The following FABP12 variants were observed in gnomAD, a reference collection of about 807,000 sequenced individuals.
FABP12 encodes fatty acid-binding protein 12.
A neutral mutation model predicts 13.7 loss-of-function variants in FABP12; 19 were observed. The observed-to-expected ratio is 1.39, with a 90% CI of 0.97 to 2.04. The LOEUF is 2.04. Ranked by LOEUF, FABP12 falls within the 30% of genes most tolerant of loss-of-function variation. The probability of loss-of-function intolerance (pLI) is 0.00; values close to 1 mark genes in which losing one functional copy is unlikely to be tolerated. For missense variants in FABP12, 182 were observed against 164.2 expected (o/e 1.11, Z -0.59); for synonymous variants, 61 against 57.0 (o/e 1.07, Z -0.32).
intron 1 of FABP12, among the ~76,000 whole-genome samples, chr8:81,588,477 C>T (rs1029275794): frequency 6.6e-6 from 1 of 152,082 alleles, no homozygotes; most frequent in Non-Finnish European, 1.5e-5. Flanking sequence ...TGTATAAATG[C>T]TACTGATTTT....
intron 1 of FABP12, among the ~76,000 whole-genome samples, chr8:81,567,430 CA>C (rs1809844979): frequency 6.6e-6 from 1 of 152,144 alleles, no homozygotes; most frequent in Non-Finnish European, 1.5e-5. Flanking sequence ...CTATGGTAAC[CA>C]AAACAGATGG....
At chr8:81,579,858 G>A (rs1253884587) in intron 1 of FABP12, among the ~76,000 whole-genome samples, 1 of 152,042 alleles carries the variant, frequency 6.6e-6, no homozygotes, top group African/African-American at 2.4e-5. Context: ...GTACAGATAT[G>A]TCTATTTTAT....
intron 3 of FABP12, chr8:81,529,235 G>A (rs7812675): frequency 0.037 from 22,370 of 600,570 alleles, 2,021 homozygotes; most frequent in African/African-American, 0.26. Context: ...CAATTTTCAG[G>A]GCCTCTGGCA....
At chr8:81,589,715 C>CGT (rs1216501641) in intron 1 of FABP12, among the ~76,000 whole-genome samples, 1 of 152,174 alleles carries the variant, frequency 6.6e-6, no homozygotes, top group East Asian at 1.9e-4. Context: ...GGGAGCAAAG[C>CGT]ATCTCTCTCT....
At chr8:81,561,361 T>G (rs1809721449) in intron 1 of FABP12, among the ~76,000 whole-genome samples, 1 of 152,194 alleles carries the variant, frequency 6.6e-6, no homozygotes, top group Admixed American at 6.5e-5. Context: ...AACTGATTTT[T>G]TTCTCTTCTA....
chr8:81,584,704 GT>G (rs146982882), intron 1 of FABP12, among the ~76,000 whole-genome samples: 11,894 of 152,160 alleles, frequency 0.078, 788 homozygotes, highest in African/African-American at 0.18. Flanking sequence ...TATTTTTAGT[GT>G]TTCTGAGGAA....
upstream of FABP12, among the ~76,000 whole-genome samples, chr8:81,538,398 C>A (rs1304659400): frequency 1.3e-5 from 2 of 152,214 alleles, no homozygotes; most frequent in African/African-American, 4.8e-5. Context: ...GTAAATGTGA[C>A]CTTCTTTAGA....
Position 81,543,146 on chromosome 8 carries a change from T to C in FABP12, c.-184-3403A>G, listed in dbSNP as rs149405416. Among the ~76,000 whole-genome samples, 158 of 152,362 alleles carry C rather than the reference T, an allele frequency of 1.0e-3. 1 individual carries two copies. Among genetic ancestry groups the C allele is most frequent in the African/African-American group, 3.7e-3 (152 of 41,596 alleles). Reference sequence around the variant, plus strand: ...AAATATCCAGTAGTAAAAGACATTGTCATTGAAGGCAGAGCACTTCCATCT... The same window carrying C: ...AAATATCCAGTAGTAAAAGACATTGCCATTGAAGGCAGAGCACTTCCATCT... On this transcript the variant is annotated intron_variant, in intron 1 of 5. Transcript: ENST00000692030.
intron 4 of FABP12, 108 bp downstream of exon 4, chr8:81,526,912 C>T (rs1264130883): frequency 9.3e-6 from 6 of 641,810 alleles, no homozygotes; most frequent in Admixed American, 3.2e-5. Flanking sequence ...ATTCTTTAAA[C>T]TATGAGAACA....
At chr8:81,575,786 A>G (rs992118530) in intron 1 of FABP12, among the ~76,000 whole-genome samples, 1 of 152,138 alleles carries the variant, frequency 6.6e-6, no homozygotes, top group African/African-American at 2.4e-5. Flanking sequence ...CTCCTGTCAG[A>G]TCAGTGGCAG....
intron 1 of FABP12, among the ~76,000 whole-genome samples, chr8:81,545,580 A>G (rs191189458): frequency 1.4e-4 from 22 of 152,326 alleles, no homozygotes; most frequent in Admixed American, 4.6e-4. Flanking sequence ...TTTTATTTCA[A>G]TAAGGGCTTG....
rs747922691 is a variant in FABP12, at chr8:81,581,287, C to T, written c.-185+8766G>A. 6.4e-4 allele frequency among the ~76,000 whole-genome samples: 97 copies of T among 152,176 alleles called. 2 individuals are homozygous for T. Among genetic ancestry groups the T allele is most frequent in the Non-Finnish European group, 1.0e-4 (7 of 68,018 alleles). On this transcript the variant is annotated intron_variant, in intron 1 of 5. Transcript: ENST00000692030. Reference sequence around the variant, plus strand: ...GAAAAGGGAGGACTTTGATTGTGATCATAAGTGTCTCTTTCCTAATATTTT... The same window carrying T: ...GAAAAGGGAGGACTTTGATTGTGATTATAAGTGTCTCTTTCCTAATATTTT...
At chr8:81,543,957 G>C (rs549204374) in intron 1 of FABP12, among the ~76,000 whole-genome samples, 42 of 152,240 alleles carry the variant, frequency 2.8e-4, no homozygotes, top group Non-Finnish European at 4.7e-4. Flanking sequence ...CTACAGGTTA[G>C]TACATTTACA....
At chr8:81,551,713 A>C (rs1809526648) in intron 1 of FABP12, among the ~76,000 whole-genome samples, 3 of 152,092 alleles carry the variant, frequency 2.0e-5, no homozygotes, top group Admixed American at 2.0e-4. Flanking sequence ...TGCTGAGAAA[A>C]ATTTCTATCC....
upstream of FABP12, among the ~76,000 whole-genome samples, chr8:81,535,954 A>G (rs1243611095): frequency 2.0e-5 from 3 of 152,068 alleles, no homozygotes; most frequent in Non-Finnish European, 4.4e-5. Context: ...CTAATCATCT[A>G]TTTTGCCTCT....
intron 1 of FABP12, among the ~76,000 whole-genome samples, chr8:81,581,176 G>C (rs1307197668): frequency 1.3e-5 from 2 of 152,174 alleles, no homozygotes; most frequent in Admixed American, 6.5e-5. Context: ...TACAATGAAA[G>C]CTGGAATGAA....
intron 1 of FABP12, among the ~76,000 whole-genome samples, chr8:81,556,463 C>T (rs983015955): frequency 3.6e-4 from 55 of 152,248 alleles, no homozygotes; most frequent in African/African-American, 1.3e-3. Context: ...ATCCAGAACT[C>T]ATTGAGTACT....
intron 1 of FABP12, among the ~76,000 whole-genome samples, chr8:81,577,997 C>A (rs1810082482): frequency 6.6e-6 from 1 of 152,136 alleles, no homozygotes; most frequent in Non-Finnish European, 1.5e-5. Flanking sequence ...TACTAAATAT[C>A]CCAATAGACC....
intron 1 of FABP12, among the ~76,000 whole-genome samples, chr8:81,543,320 C>T (rs1177603277): frequency 6.6e-6 from 1 of 152,178 alleles, no homozygotes; most frequent in Non-Finnish European, 1.5e-5. Context: ...GATGATTCTT[C>T]AGCAGGTTTG....
Sources: allele counts gnomAD v4.1 joint callset (sites outside exome capture counted in the v4.1 genomes callset), GRCh38; gene constraint gnomAD v4.1.1; transcripts MANE v1.5; gene names NCBI Gene and HGNC (gene_info 2026-07-23, HGNC 2026-07-21).